The following NRG1 variants were observed in gnomAD, a reference collection of about 807,000 sequenced individuals.
NRG1 encodes pro-neuregulin-1, membrane-bound isoform.
Under a neutral mutation model 63.8 loss-of-function variants are expected in NRG1, and 18 were observed. The ratio of observed to expected loss-of-function variants is 0.28; its 90% CI spans 0.19 to 0.42. The LOEUF is 0.42. Ranked by LOEUF, NRG1 falls within the 10% of genes least tolerant of loss-of-function variation. The pLI, the probability that NRG1 is intolerant of heterozygous loss-of-function variation, is 1.00. For missense variants in NRG1, 762 were observed against 814.7 expected, an observed-to-expected ratio of 0.94 and a Z score of 0.79; for synonymous variants, 302 against 301.3, an observed-to-expected ratio of 1.00 and a Z score of -0.02.
At chr8:32,106,258 A>G (rs1382385422) in intron 1 of NRG1, among the ~76,000 whole-genome samples, 1 of 152,220 alleles carries the variant, frequency 6.6e-6, no homozygotes, top group Non-Finnish European at 1.5e-5. Context: ...TGATTTAATC[A>G]TGCTGGTCAA....
At chr8:32,366,194 G>A (rs559080111) in intron 1 of NRG1, among the ~76,000 whole-genome samples, 37 of 151,902 alleles carry the variant, frequency 2.4e-4, no homozygotes, top group African/African-American at 7.2e-4. Context: ...TTATTTCTTT[G>A]TGTTGGGAAC....
At chr8:31,983,395 T>G (rs1809501168) in intron 1 of NRG1, among the ~76,000 whole-genome samples, 2 of 152,044 alleles carry the variant, frequency 1.3e-5, no homozygotes, top group Non-Finnish European at 2.9e-5. Context: ...ATACTCTTTT[T>G]GAGACAGGAT....
chr8:32,181,212 A>C (rs1447700965), intron 1 of NRG1, among the ~76,000 whole-genome samples: 1 of 152,182 alleles, frequency 6.6e-6, no homozygotes, highest in Non-Finnish European at 1.5e-5. Flanking sequence ...TCTAGATCCC[A>C]GATTAAGAAC....
At chr8:32,116,971 C>CAAAAA (rs756283492) in intron 1 of NRG1, among the ~76,000 whole-genome samples, 16 of 31,480 alleles carry the variant, frequency 5.1e-4, no homozygotes, top group African/African-American at 6.9e-4. Context: ...CCTGTCTCTA[C>CAAAAA]AAAAAAAAAA....
At chr8:32,379,446 G>C (rs1438808378) in intron 1 of NRG1, among the ~76,000 whole-genome samples, 1 of 152,124 alleles carries the variant, frequency 6.6e-6, no homozygotes, top group Non-Finnish European at 1.5e-5. Context: ...CATAGGTGGA[G>C]AATTAGCAGC....
chr8:31,858,052 C>T (rs537004365), intron 1 of NRG1, among the ~76,000 whole-genome samples: 4 of 152,148 alleles, frequency 2.6e-5, no homozygotes, highest in African/African-American at 9.7e-5. Context: ...GTAATCCCAG[C>T]ACTTTGGGAG....
At chr8:31,940,970 A>G (rs1479305217) in intron 1 of NRG1, among the ~76,000 whole-genome samples, 1 of 152,146 alleles carries the variant, frequency 6.6e-6, no homozygotes, top group Non-Finnish European at 1.5e-5. Context: ...TCTATCAGAC[A>G]TTCAAAGAAG....
At chr8:32,597,112 T>C (rs867792456) in intron 2 of NRG1, among the ~76,000 whole-genome samples, 2 of 152,086 alleles carry the variant, frequency 1.3e-5, no homozygotes, top group Non-Finnish European at 2.9e-5. Flanking sequence ...TTCTAAAGAG[T>C]CCTTTAATCA....
chr8:31,710,975 A>C (rs944312872), intron 1 of NRG1, among the ~76,000 whole-genome samples: 2 of 152,062 alleles, frequency 1.3e-5, no homozygotes, highest in African/African-American at 4.8e-5. Flanking sequence ...TGACATATTT[A>C]TTCTATTGGC....
intron 1 of NRG1, among the ~76,000 whole-genome samples, chr8:32,350,417 C>G (rs1472430814): frequency 1.3e-5 from 2 of 152,126 alleles, no homozygotes; most frequent in Non-Finnish European, 2.9e-5. Context: ...CCTTCTCATC[C>G]AAAGAAGTGA....
chr8:32,722,111 A>G (rs1177624998), intron 5 of NRG1: 12 of 1,273,632 alleles, frequency 9.4e-6, no homozygotes, highest in Non-Finnish European at 1.2e-5. Flanking sequence ...TAAAATGTGC[A>G]TATTTTATTA....
At position 31,736,441 on chromosome 8, in the gene NRG1, C is replaced by G. The variant is rs957685326; in HGVS notation, c.37+97010C>G. On this transcript the variant is annotated intron_variant, in intron 1 of 10. Coordinates refer to the NRG1 transcript ENST00000519301. ...TCCTAGAGATGTCTGTCTTCATCCCCAACACCTAGAACAGTGACGGACACA... is the reference window on the plus strand; with the variant it reads ...TCCTAGAGATGTCTGTCTTCATCCCGAACACCTAGAACAGTGACGGACACA... Among the ~76,000 whole-genome samples the G allele has an allele frequency of 8.5e-5, 13 of 152,212 alleles. 1 individual carries two copies. The East Asian group carries it at 2.3e-3, about 27-fold the overall frequency.
intron 1 of NRG1, among the ~76,000 whole-genome samples, chr8:32,237,225 T>A (rs943446336): frequency 1.3e-5 from 2 of 152,138 alleles, no homozygotes; most frequent in Non-Finnish European, 2.9e-5. Context: ...GCTTCCCAAA[T>A]TTTCCAAGTT....
chr8:32,724,092 A>G (rs965421669), intron 5 of NRG1, among the ~76,000 whole-genome samples: 1 of 152,342 alleles, frequency 6.6e-6, no homozygotes, highest in East Asian at 1.9e-4. Context: ...GCTTTACCTT[A>G]TACTTTCTTC....
At chr8:31,695,562 A>G (rs1303644354) in intron 1 of NRG1, among the ~76,000 whole-genome samples, 1 of 152,226 alleles carries the variant, frequency 6.6e-6, no homozygotes, top group Non-Finnish European at 1.5e-5. Flanking sequence ...TCCATGACCC[A>G]ATCACTTCCC....
At chr8:32,417,117 T>C (rs1490591113) in intron 1 of NRG1, among the ~76,000 whole-genome samples, 4 of 152,214 alleles carry the variant, frequency 2.6e-5, no homozygotes, top group African/African-American at 9.6e-5. Flanking sequence ...TTGAGCCATA[T>C]GACAGGACAT....
In NRG1 at chr8:31,942,533, T is replaced by C. The variant is rs193277926; in HGVS notation, c.37+303102T>C. Among the ~76,000 whole-genome samples the C allele has an allele frequency of 3.6e-3, 545 of 151,612 alleles. 6 individuals are homozygous for C. The highest frequency in any genetic ancestry group is 0.013 in the African/African-American group (523 of 41,388). ...TAAATGCAACAAAAACAAAGAGAAATAGATGGGAACTAATGAAACTAAAAA... is the reference window on the plus strand; with the variant it reads ...TAAATGCAACAAAAACAAAGAGAAACAGATGGGAACTAATGAAACTAAAAA... On this transcript the variant is annotated intron_variant, in intron 1 of 10. Transcript: ENST00000519301.
chr8:32,407,398 T>G (rs551503233), intron 1 of NRG1, among the ~76,000 whole-genome samples: 12 of 150,300 alleles, frequency 8.0e-5, no homozygotes, highest in Non-Finnish European at 1.8e-4. Flanking sequence ...GTCTTAATCT[T>G]GTCTATTGAA....
chr8:32,737,237 G>A (rs1039916328), intron 6 of NRG1, among the ~76,000 whole-genome samples: 1 of 152,108 alleles, frequency 6.6e-6, no homozygotes. Flanking sequence ...CTGTGAGAAG[G>A]ATACTGGGAA....
Sources: gnomAD v4.1 joint callset for allele counts (sites outside exome capture counted in the v4.1 genomes callset) on GRCh38, gnomAD v4.1.1 for gene constraint, MANE v1.5 for transcripts, NCBI Gene and HGNC (gene_info 2026-07-23, HGNC 2026-07-21) for gene names.